CFAP299: variants seen among roughly 807,000 people sequenced by gnomAD.
CFAP299 encodes cilia- and flagella-associated protein 299.
In CFAP299, 21 loss-of-function variants were observed where a neutral mutation model predicts 27.0. That is an observed-to-expected ratio of 0.78 (90% CI 0.55 to 1.12). CFAP299 has a LOEUF of 1.12. CFAP299 is among the 50% of genes most tolerant of loss of function. CFAP299 has a pLI of 0.00. For missense variants in CFAP299, 310 were observed against 276.6 expected, an observed-to-expected ratio of 1.12 and a Z score of -0.86; for synonymous variants, 104 against 98.1, an observed-to-expected ratio of 1.06 and a Z score of -0.36.
At chr4:80,718,064 G>A (rs1317985804) in intron 3 of CFAP299, among the ~76,000 whole-genome samples, 1 of 152,062 alleles carries the variant, frequency 6.6e-6, no homozygotes. Flanking sequence ...ATAGCTCAGA[G>A]AAAGGTAGCA....
intron 4 of CFAP299, among the ~76,000 whole-genome samples, chr4:80,929,069 C>T (rs186239471): frequency 4.1e-4 from 63 of 152,230 alleles, no homozygotes; most frequent in African/African-American, 1.5e-3. Flanking sequence ...GAAAAATTTC[C>T]GTTCATAGAA....
intron 2 of CFAP299, among the ~76,000 whole-genome samples, chr4:80,432,721 A>G (rs1386957505): frequency 4.0e-5 from 6 of 151,204 alleles, no homozygotes; most frequent in Non-Finnish European, 5.9e-5. Flanking sequence ...TTTAGTAGAG[A>G]TGGGGTTTCT....
Position 80,370,103 on chromosome 4 carries a change from C to A in CFAP299, c.242+7219C>A, listed in dbSNP as rs1160889987. On this transcript the variant is annotated intron_variant, in intron 2 of 5. Transcript: ENST00000358105. The stretch of plus-strand genomic sequence containing the variant: ...GTCCTCAGGAAACTTACAATTATGG[C>A]AGAGGGTGAAAGGGAAGCTGGCACT... Among the ~76,000 whole-genome samples, 3 of 152,204 alleles carry A rather than the reference C, an allele frequency of 2.0e-5. No individual in the cohort carries two copies. The East Asian group carries it at 5.8e-4, about 29-fold the overall frequency.
chr4:80,796,590 A>C (rs971595861), intron 3 of CFAP299, among the ~76,000 whole-genome samples: 1 of 152,130 alleles, frequency 6.6e-6, no homozygotes, highest in Non-Finnish European at 1.5e-5. Context: ...AAAGGCAATG[A>C]AACCATAACT....
intron 3 of CFAP299, among the ~76,000 whole-genome samples, chr4:80,594,340 C>G (rs137906692): frequency 3.9e-5 from 6 of 152,226 alleles, no homozygotes; most frequent in African/African-American, 1.4e-4. Context: ...AACTCACTCA[C>G]TATTATGAGA....
At chr4:80,785,102 T>C (rs551426626) in intron 3 of CFAP299, among the ~76,000 whole-genome samples, 1 of 151,956 alleles carries the variant, frequency 6.6e-6, no homozygotes, top group Admixed American at 6.6e-5. Flanking sequence ...TTCAAAAAAA[T>C]CATTGCCAAG....
chr4:80,810,341 C>T (rs889944032), intron 3 of CFAP299, among the ~76,000 whole-genome samples: 4 of 147,868 alleles, frequency 2.7e-5, no homozygotes, highest in Non-Finnish European at 5.9e-5. Context: ...TAATGTGCCC[C>T]CCAACCCCTG....
chr4:80,534,227 A>G (rs112454151), intron 2 of CFAP299, among the ~76,000 whole-genome samples: 134 of 151,604 alleles, frequency 8.8e-4, no homozygotes, highest in African/African-American at 3.0e-3. Flanking sequence ...TTTTTATAAC[A>G]TTGAAAAAGA....
chr4:80,850,231 G>C (rs1211796861), intron 3 of CFAP299, among the ~76,000 whole-genome samples: 1 of 152,046 alleles, frequency 6.6e-6, no homozygotes, highest in African/African-American at 2.4e-5. Context: ...ATGGCGGTGG[G>C]GGGGGTGATA....
chr4:80,849,012 T>C (rs1731342658), intron 3 of CFAP299, among the ~76,000 whole-genome samples: 3 of 152,190 alleles, frequency 2.0e-5, no homozygotes, highest in Admixed American at 2.0e-4. Flanking sequence ...TCTTCTATAA[T>C]AAATTCACCT....
chr4:80,728,109 G>T (rs1463656913), intron 3 of CFAP299, among the ~76,000 whole-genome samples: 1 of 151,514 alleles, frequency 6.6e-6, no homozygotes, highest in Non-Finnish European at 1.5e-5. Flanking sequence ...TTTCCAACTG[G>T]GTTGGAAAAG....
chr4:80,370,388 C>T (rs917674287), intron 2 of CFAP299, among the ~76,000 whole-genome samples: 3 of 152,180 alleles, frequency 2.0e-5, no homozygotes, highest in Non-Finnish European at 4.4e-5. Flanking sequence ...CATTGCAAAA[C>T]ACAATCATGC....
chr4:80,744,593 T>A (rs1372056786), intron 3 of CFAP299, among the ~76,000 whole-genome samples: 1 of 152,000 alleles, frequency 6.6e-6, no homozygotes, highest in Non-Finnish European at 1.5e-5. Flanking sequence ...CTTTTTTTTT[T>A]AAAGGTTGAT....
intron 3 of CFAP299, among the ~76,000 whole-genome samples, chr4:80,714,674 GT>G (rs1371811942): frequency 3.3e-5 from 5 of 151,952 alleles, no homozygotes; most frequent in Non-Finnish European, 7.4e-5. Flanking sequence ...TAGTTTTTTA[GT>G]TTTTTGTTTT....
chr4:80,952,338 GCAC>G (rs1399527666), intron 5 of CFAP299, among the ~76,000 whole-genome samples: 1 of 152,052 alleles, frequency 6.6e-6, no homozygotes, highest in East Asian at 1.9e-4. Context: ...AGGGTCTTAG[GCAC>G]TGAAAACATA....
chr4:80,787,100 G>A (rs1001551177), intron 3 of CFAP299, among the ~76,000 whole-genome samples: 3 of 151,388 alleles, frequency 2.0e-5, no homozygotes, highest in African/African-American at 7.3e-5. Flanking sequence ...ATACAGGAGG[G>A]AATAAGTGAA....
intron 5 of CFAP299, among the ~76,000 whole-genome samples, chr4:80,952,444 C>G (rs1737830565): frequency 6.6e-6 from 1 of 152,242 alleles, no homozygotes; most frequent in South Asian, 2.1e-4. Flanking sequence ...AATTATCACT[C>G]AGGGTTCTTT....
chr4:80,448,955 C>G (rs977074292), intron 2 of CFAP299, among the ~76,000 whole-genome samples: 2 of 152,122 alleles, frequency 1.3e-5, no homozygotes, highest in Non-Finnish European at 2.9e-5. Context: ...CTCCTACCTC[C>G]TCATGGGCAG....
intron 2 of CFAP299, among the ~76,000 whole-genome samples, chr4:80,515,078 A>T (rs2935031): frequency 1.3e-5 from 2 of 152,148 alleles, no homozygotes; most frequent in African/African-American, 4.8e-5. Flanking sequence ...AAAAAACTGC[A>T]TGCAGAAATT....
Sources: allele counts gnomAD v4.1 joint callset (sites outside exome capture counted in the v4.1 genomes callset), GRCh38; gene constraint gnomAD v4.1.1; transcripts MANE v1.5; gene names NCBI Gene and HGNC (gene_info 2026-07-23, HGNC 2026-07-21).